WASL: variants seen among roughly 807,000 people sequenced by gnomAD.
WASL encodes WASP like actin nucleation promoting factor.
Under a neutral mutation model 55.5 loss-of-function variants are expected in WASL, and 20 were observed. The observed-to-expected ratio is 0.36, with a 90% CI of 0.25 to 0.52. WASL has a LOEUF of 0.52. Ranked by LOEUF, WASL falls within the 20% of genes least tolerant of loss-of-function variation. The pLI is 0.92. For missense variants in WASL, 504 were observed against 622.5 expected, an observed-to-expected ratio of 0.81 and a Z score of 2.03; for synonymous variants, 249 against 217.6, an observed-to-expected ratio of 1.14 and a Z score of -1.27.
chr7:123,695,804 G>A lies in WASL; in HGVS notation c.672+19C>T, dbSNP rs377758171. 1 of 1,610,862 alleles carries A rather than the reference G, an allele frequency of 6.2e-7. No individual in the cohort carries two copies. Among genetic ancestry groups the A allele is most frequent in the Non-Finnish European group, 8.5e-7 (1 of 1,177,688 alleles). On this transcript the variant is annotated intron_variant, in intron 7 of 10. Coordinates refer to ENST00000223023, the MANE Select transcript of WASL (RefSeq NM_003941.4). ...TTCCACATACAGTTATAACGTATATGATTTGAAAACATACTTACATCAAAG... is the reference window on the plus strand; with the variant it reads ...TTCCACATACAGTTATAACGTATATAATTTGAAAACATACTTACATCAAAG...
chr7:123,741,278 G>A (rs549291226), intron 1 of WASL, among the ~76,000 whole-genome samples: 2 of 152,112 alleles, frequency 1.3e-5, no homozygotes, highest in African/African-American at 2.4e-5. Flanking sequence ...AATATTAGAA[G>A]TGTTTTTGTC....
intron 1 of WASL, among the ~76,000 whole-genome samples, chr7:123,726,345 A>G (rs1333783607): frequency 3.9e-5 from 6 of 152,330 alleles, no homozygotes; most frequent in Middle Eastern, 3.4e-3. Context: ...ATCATCTCAT[A>G]TGACCTTTTT....
chr7:123,741,973 T>C (rs190027952), intron 1 of WASL, among the ~76,000 whole-genome samples: 8 of 152,184 alleles, frequency 5.3e-5, no homozygotes, highest in African/African-American at 1.2e-4. Context: ...ATATTACTCA[T>C]AGATACAATT....
intron 5 of WASL, among the ~76,000 whole-genome samples, chr7:123,704,190 A>C (rs1274997063): frequency 1.3e-5 from 2 of 152,210 alleles, no homozygotes; most frequent in African/African-American, 4.8e-5. Context: ...CATATAACAC[A>C]TAAGCAATGT....
chr7:123,702,348 G>A (rs915021697), intron 5 of WASL, among the ~76,000 whole-genome samples: 6 of 152,124 alleles, frequency 3.9e-5, no homozygotes, highest in Admixed American at 6.5e-5. Context: ...GAGCCACCGC[G>A]CCCGGCCTGA....
At chr7:123,704,224 T>C (rs1056935954) in intron 5 of WASL, among the ~76,000 whole-genome samples, 2 of 152,176 alleles carry the variant, frequency 1.3e-5, no homozygotes, top group Admixed American at 6.5e-5. Context: ...GAAATAAGAA[T>C]GAAAGGTAAA....
At chr7:123,728,988 C>A (rs1343679495) in intron 1 of WASL, among the ~76,000 whole-genome samples, 1 of 151,922 alleles carries the variant, frequency 6.6e-6, no homozygotes, top group East Asian at 1.9e-4. Flanking sequence ...TAAGACAAAA[C>A]CTAGGAGGAT....
At chr7:123,709,349 G>T in intron 1 of WASL, 126 bp from the exon 2 acceptor site, 1 of 676,940 alleles carries the variant, frequency 1.5e-6, no homozygotes, top group Non-Finnish European at 2.2e-6. Context: ...ACAGAAACAA[G>T]GAAATAATAA....
rs1273813999 is a variant in WASL, at chr7:123,682,849, C to CA, written c.*1669dup. ...CAGAGGGCACTGTTGTTGCAAGAAA[C>CA]AAAAAGTCTAGAATCTTTCCCATGT... On this transcript the variant is annotated 3_prime_UTR_variant, in exon 11 of 11. Coordinates refer to ENST00000223023, the MANE Select transcript of WASL (RefSeq NM_003941.4). 6.6e-6 allele frequency: 1 copy of CA among 152,000 alleles called. No homozygotes were observed. 9.4% of individuals were successfully genotyped at this position (152,000 alleles called of 1,614,324 possible).
At chr7:123,728,551 A>AT (rs1387378798) in intron 1 of WASL, among the ~76,000 whole-genome samples, 1 of 152,170 alleles carries the variant, frequency 6.6e-6, no homozygotes, top group Non-Finnish European at 1.5e-5. Context: ...CCAATAAAAC[A>AT]TTAATGTCAG....
intron 1 of WASL, among the ~76,000 whole-genome samples, chr7:123,743,724 A>G (rs1190625435): frequency 6.6e-6 from 1 of 152,206 alleles, no homozygotes; most frequent in Non-Finnish European, 1.5e-5. Context: ...ATGGACTCTA[A>G]GTATTTTCCA....
chr7:123,748,582 A>C (rs140498077), intron 1 of WASL, 36 bp downstream of exon 1: 2 of 1,605,634 alleles, frequency 1.2e-6, no homozygotes. Flanking sequence ...CCGTGAGGTA[A>C]TGTCACGGGT....
At chr7:123,716,921 A>T in intron 1 of WASL, among the ~76,000 whole-genome samples, 1 of 152,174 alleles carries the variant, frequency 6.6e-6, no homozygotes, top group Non-Finnish European at 1.5e-5. Context: ...GTCACATATT[A>T]TACAGCTTTG....
chr7:123,733,913 CA>C (rs33913069), intron 1 of WASL, among the ~76,000 whole-genome samples: 31,622 of 110,688 alleles, frequency 0.29, 3,195 homozygotes, highest in African/African-American at 0.34. Flanking sequence ...ATCCACGTGC[CA>C]AAAAAAAAAA....
At position 123,702,713 on chromosome 7, in the gene WASL, T is replaced by C. The variant is rs117772224; in HGVS notation, c.460+1921A>G. Among the ~76,000 whole-genome samples, 1,457 of 152,304 alleles carry C rather than the reference T, an allele frequency of 9.6e-3. 38 individuals are homozygous for C. Among genetic ancestry groups the C allele is most frequent in the East Asian group, 0.066 (343 of 5,176 alleles). ...AATGTACCTAGCATTTACATCGTATTAGGTATTATGAGTACTCTACAGAGG... is the reference window on the plus strand; with the variant it reads ...AATGTACCTAGCATTTACATCGTATCAGGTATTATGAGTACTCTACAGAGG... On this transcript the variant is annotated intron_variant, in intron 5 of 10. Transcript: ENST00000223023.
chr7:123,687,575 T>C (rs1803313486), intron 10 of WASL, among the ~76,000 whole-genome samples: 1 of 152,186 alleles, frequency 6.6e-6, no homozygotes, highest in Non-Finnish European at 1.5e-5. Context: ...TCCCTTATCA[T>C]CCTTTATCAT....
chr7:123,688,969 CA>C (rs1350415650), intron 10 of WASL, 72 bp downstream of exon 10: 1 of 1,288,158 alleles, frequency 7.8e-7, no homozygotes, highest in Non-Finnish European at 1.1e-6. Flanking sequence ...GAACGTCAAA[CA>C]TTCAAATTTA....
chr7:123,730,308 CTTTT>C (rs549072689), intron 1 of WASL, among the ~76,000 whole-genome samples: 50 of 151,888 alleles, frequency 3.3e-4, no homozygotes, highest in African/African-American at 1.0e-3. Context: ...TAATTTTTTT[CTTTT>C]TAATTGATCT....
intron 10 of WASL, among the ~76,000 whole-genome samples, chr7:123,687,055 T>C (rs1291919587): frequency 6.6e-6 from 1 of 152,162 alleles, no homozygotes; most frequent in Non-Finnish European, 1.5e-5. Context: ...ATCTTCCCTC[T>C]CAAACTTTTT....
Sources: allele counts gnomAD v4.1 joint callset (sites outside exome capture counted in the v4.1 genomes callset), GRCh38; gene constraint gnomAD v4.1.1; transcripts MANE v1.5; gene names NCBI Gene and HGNC (gene_info 2026-07-23, HGNC 2026-07-21).